Variants in CCDC88C observed in about 807,000 individuals in gnomAD.
CCDC88C encodes the protein coiled-coil and HOOK domain protein 88C.
Under a neutral mutation model 198.8 loss-of-function variants are expected in CCDC88C, and 131 were observed. The observed-to-expected ratio is 0.66, with a 90% CI of 0.57 to 0.76. The LOEUF (loss-of-function observed/expected upper bound fraction) is 0.76. CCDC88C is among the 30% of genes least tolerant of loss of function. CCDC88C has a pLI of 0.00. For missense variants in CCDC88C, 2,553 were observed against 2,631.6 expected, an observed-to-expected ratio of 0.97 and a Z score of 0.65; for synonymous variants, 1,166 against 1,114.7, an observed-to-expected ratio of 1.05 and a Z score of -0.92.
At chr14:91,301,642 G>A (rs150018345) in intron 20 of CCDC88C, among the ~76,000 whole-genome samples, 2,174 of 152,310 alleles carry the variant, frequency 0.014, 35 homozygotes, top group Middle Eastern at 0.024. Flanking sequence ...GCTTGAAGCC[G>A]GGAGGTGGAG....
chr14:91,340,174 G>C, intron 6 of CCDC88C, 150 bp from the exon 7 acceptor site: 1 of 1,088,140 alleles, frequency 9.2e-7, no homozygotes, highest in Non-Finnish European at 1.3e-6. Flanking sequence ...CTACGCAAGT[G>C]TGGCCAAACC....
rs554108628 is a variant in CCDC88C, at chr14:91,383,280, C to G, written c.271-23569G>C. Among the ~76,000 whole-genome samples the G allele has an allele frequency of 7.9e-5, 12 of 152,362 alleles. No homozygotes were observed. The South Asian group carries it at 2.5e-3, about 32-fold the overall frequency. On this transcript the variant is annotated intron_variant, in intron 3 of 29. Coordinates refer to ENST00000389857, the MANE Select transcript of CCDC88C (RefSeq NM_001080414.4). ...CCGTTCCACAGAACGGCTCATCTCC[C>G]AAGGAGACTGCCCAAAGCCCAGGCT...
At chr14:91,320,024 CAAA>C (rs61102058) in intron 13 of CCDC88C, among the ~76,000 whole-genome samples, 2 of 24,174 alleles carry the variant, frequency 8.3e-5, no homozygotes, top group African/African-American at 2.1e-4. Flanking sequence ...AACTCAGTCT[CAAA>C]AAAAAAAAAA....
intron 3 of CCDC88C, among the ~76,000 whole-genome samples, chr14:91,374,889 A>G (rs921108289): frequency 1.3e-5 from 2 of 152,126 alleles, no homozygotes; most frequent in African/African-American, 2.4e-5. Context: ...CTGGGCTCAG[A>G]GACAAAGAGG....
At chr14:91,308,031 G>GAC (rs1891635331) in intron 17 of CCDC88C, among the ~76,000 whole-genome samples, 1 of 152,262 alleles carries the variant, frequency 6.6e-6, no homozygotes, top group Non-Finnish European at 1.5e-5. Flanking sequence ...GCACCCGTGA[G>GAC]ACTCTGCAGG....
At position 91,417,396 on chromosome 14, in the gene CCDC88C, C is replaced by T. The variant is rs1241509211; in HGVS notation, c.60+235G>A. ...AGGTGTACCCGCCCGGCTCCTGGCC[C>T]GGCCGAAAGCGCGGCGGGGTCCCGC... is the stretch of plus-strand genomic sequence containing the variant. On this transcript the variant is annotated intron_variant, in intron 1 of 29. Coordinates refer to ENST00000389857, the MANE Select transcript of CCDC88C (RefSeq NM_001080414.4). 7.0e-6 allele frequency: 4 copies of T among 573,000 alleles called. No homozygotes were observed. In the African/African-American group the frequency reaches 7.9e-5, roughly 11 times the overall value. 35.5% of individuals were successfully genotyped at this position (573,000 alleles called of 1,614,324 possible).
intron 1 of CCDC88C, chr14:91,417,392 G>A (rs1037667791): frequency 1.7e-6 from 1 of 575,958 alleles, no homozygotes; most frequent in Non-Finnish European, 3.0e-6. Flanking sequence ...CCCGGCTCCT[G>A]GCCCGGCCGA....
At chr14:91,320,843 C>T (rs1218106617) in intron 13 of CCDC88C, among the ~76,000 whole-genome samples, 1 of 152,208 alleles carries the variant, frequency 6.6e-6, no homozygotes, top group East Asian at 1.9e-4. Flanking sequence ...CCCCATTTCA[C>T]AAATGAAGAC....
intron 4 of CCDC88C, among the ~76,000 whole-genome samples, chr14:91,344,120 CTTAT>C (rs2139870543): frequency 6.6e-6 from 1 of 152,352 alleles, no homozygotes; most frequent in South Asian, 2.1e-4. Flanking sequence ...CATACCCAGC[CTTAT>C]TTACTTTTTA....
chr14:91,300,050 C>T lies in CCDC88C; in HGVS notation c.3656G>A (p.Arg1219His), dbSNP rs528083091. The change falls in exon 21 of 30, where the codon CGC becomes CAC. Residue 1219 changes from arginine (R) to histidine (H), a missense_variant. Physicochemically the swap from Arg to His is conservative, Grantham distance 29. Coordinates refer to ENST00000389857, the MANE Select transcript of CCDC88C (RefSeq NM_001080414.4). ...LGERHGDMLK[R>H]KAELEEREKV... Reference sequence around the variant, plus strand: ...CTCCCGCTCCTCCAGCTCCGCCTTGCGCTTCAGCATGTCACCGTGCCTGTT... The same window carrying T: ...CTCCCGCTCCTCCAGCTCCGCCTTGTGCTTCAGCATGTCACCGTGCCTGTT... The T allele has an allele frequency of 1.4e-5, 22 of 1,607,808 alleles. No individual in the cohort carries two copies. Among genetic ancestry groups the T allele is most frequent in the African/African-American group, 4.0e-5 (3 of 74,832 alleles).
rs140993927 is a variant in CCDC88C at position 91,320,822 on chromosome 14, C to T, written c.1527+298G>A. Among the ~76,000 whole-genome samples the T allele has an allele frequency of 3.8e-3, 571 of 152,264 alleles. 2 individuals are homozygous for T. The highest frequency in any genetic ancestry group is 0.02 in the Middle Eastern group (6 of 294). On this transcript the variant is annotated intron_variant, in intron 13 of 29. Coordinates refer to ENST00000389857, the MANE Select transcript of CCDC88C (RefSeq NM_001080414.4). ...AGGGAGTTTTCTTTTTACAGGCAGG[C>T]ACCCCATCAACCCCATTTCACAAAT...
intron 13 of CCDC88C, among the ~76,000 whole-genome samples, chr14:91,319,395 A>C (rs1347428648): frequency 6.6e-6 from 1 of 152,234 alleles, no homozygotes; most frequent in African/African-American, 2.4e-5. Context: ...AGCTGTCATT[A>C]AAACAGAACA....
intron 10 of CCDC88C, among the ~76,000 whole-genome samples, chr14:91,334,351 C>T (rs181400304): frequency 1.3e-5 from 2 of 152,210 alleles, no homozygotes; most frequent in Non-Finnish European, 2.9e-5. Context: ...CTCAAGCAAT[C>T]CTCCCACTTC....
intron 14 of CCDC88C, among the ~76,000 whole-genome samples, chr14:91,314,592 T>G (rs116677156): frequency 6.6e-6 from 1 of 152,220 alleles, no homozygotes; most frequent in Non-Finnish European, 1.5e-5. Context: ...GGCTCTTTCT[T>G]ATACTTGGGG....
chr14:91,276,784 C>T (rs545053082), intron 29 of CCDC88C, among the ~76,000 whole-genome samples: 1 of 152,156 alleles, frequency 6.6e-6, no homozygotes, highest in African/African-American at 2.4e-5. Context: ...CAACAGCTCA[C>T]GTGACAAAAT....
chr14:91,314,261 G>A, intron 14 of CCDC88C, 111 bp from the exon 15 acceptor site: 1 of 844,782 alleles, frequency 1.2e-6, no homozygotes. Context: ...TGTCCTACCT[G>A]TGCTCAGACA....
rs149620053 is a variant in CCDC88C, at chr14:91,323,016, C to T, written c.1343-1712G>A. 4.5e-3 allele frequency among the ~76,000 whole-genome samples: 685 copies of T among 151,582 alleles called. 6 individuals are homozygous for T. The highest frequency in any genetic ancestry group is 0.012 in the African/African-American group (503 of 41,268). ...CACCTCTCAGGTTCAAGCGATTCTCCGGCCTCAGCCTCCTGAGTAGCTGGG... is the reference window on the plus strand; with the variant it reads ...CACCTCTCAGGTTCAAGCGATTCTCTGGCCTCAGCCTCCTGAGTAGCTGGG... On this transcript the variant is annotated intron_variant, in intron 12 of 29. Transcript: ENST00000389857.
rs1009528538 is a variant in CCDC88C at position 91,324,683 on chromosome 14, T to A, written c.1342+96A>T. 38 of 1,412,652 alleles carry A rather than the reference T, an allele frequency of 2.7e-5. No homozygotes were observed. The African/African-American group carries it at 3.8e-4, about 14-fold the overall frequency. The allele number at this position is 1,412,652 out of a possible 1,614,324, so 87.5% of individuals were successfully genotyped here. A position where few individuals can be genotyped will look rare whatever the true frequency, so the allele number is the denominator to read the frequency against. On this transcript the variant is annotated intron_variant, in intron 12 of 29. Coordinates refer to ENST00000389857, the MANE Select transcript of CCDC88C (RefSeq NM_001080414.4). ...ATCATGTTTGCCTGGGATGAATGGA[T>A]GGGCTAACATGGCAGATTCAGAGCC...
chr14:91,393,099 C>G (rs566814753), intron 3 of CCDC88C, among the ~76,000 whole-genome samples: 2 of 152,236 alleles, frequency 1.3e-5, no homozygotes, highest in Non-Finnish European at 2.9e-5. Flanking sequence ...TTCCCAGGCA[C>G]CAATCGCTCA....
Sources: allele counts gnomAD v4.1 joint callset (sites outside exome capture counted in the v4.1 genomes callset), GRCh38; gene constraint gnomAD v4.1.1; transcripts MANE v1.5; gene names NCBI Gene and HGNC (gene_info 2026-07-23, HGNC 2026-07-21).